Variants in EIF2S1 observed in about 807,000 individuals in gnomAD.
The protein encoded by EIF2S1 is eukaryotic translation initiation factor 2 subunit alpha.
Under a neutral mutation model 33.5 loss-of-function variants are expected in EIF2S1, and 5 were observed. The observed-to-expected ratio is 0.15, with a 90% confidence interval of 0.08 to 0.31. The LOEUF is 0.31. Among genes scored for constraint, EIF2S1 ranks in the 10% least tolerant of loss-of-function variants. EIF2S1 has a pLI of 1.00. For synonymous variants in EIF2S1, 99 were observed against 127.5 expected, an observed-to-expected ratio of 0.78 and a Z score of 1.51; for missense variants, 191 against 384.6, an observed-to-expected ratio of 0.50 and a Z score of 4.21.
rs1335792406 is a variant in EIF2S1 at position 67,384,180 on chromosome 14, C to G, written c.*740C>G. Reference sequence around the variant, plus strand: ...ACGTCCTTATTGGAATAATAAGCTACTTGCCTTGAGTTTATAATTCAGGGT... The same window carrying G: ...ACGTCCTTATTGGAATAATAAGCTAGTTGCCTTGAGTTTATAATTCAGGGT... On this transcript the variant is annotated 3_prime_UTR_variant, in exon 8 of 8. Coordinates refer to ENST00000256383, the MANE Select transcript of EIF2S1 (RefSeq NM_004094.5). 6.6e-6 allele frequency: 1 copy of G among 152,114 alleles called. No individual in the cohort carries two copies. The highest frequency in any genetic ancestry group is 1.5e-5 in the Non-Finnish European group (1 of 68,028). The allele number at this position is 152,114 out of a possible 1,614,324, so 9.4% of individuals were successfully genotyped here.
chr14:67,382,900 C>T (rs1048244705), intron 7 of EIF2S1, among the ~76,000 whole-genome samples: 2 of 140,414 alleles, frequency 1.4e-5, no homozygotes, highest in African/African-American at 5.7e-5. Context: ...TGTGTACGTG[C>T]GTGCGTGCGT....
At chr14:67,375,319 A>G (rs984930724) in intron 3 of EIF2S1, among the ~76,000 whole-genome samples, 3 of 148,462 alleles carry the variant, frequency 2.0e-5, no homozygotes, top group African/African-American at 7.5e-5. Context: ...GTAGTGGCGC[A>G]ATCTCAACTT....
intron 2 of EIF2S1, among the ~76,000 whole-genome samples, chr14:67,371,023 T>A (rs1452221218): frequency 6.6e-6 from 1 of 151,650 alleles, no homozygotes; most frequent in Admixed American, 6.6e-5. Context: ...AGACCCTGTC[T>A]CAAAAAAAAG....
intron 1 of EIF2S1, 50 bp from the exon 2 acceptor site, chr14:67,364,717 T>C: frequency 6.6e-7 from 1 of 1,518,768 alleles, no homozygotes; most frequent in African/African-American, 1.4e-5. Flanking sequence ...ATTTTTTTTT[T>C]ATTTTCACCT....
chr14:67,375,843 A>T (rs763469366), intron 3 of EIF2S1, among the ~76,000 whole-genome samples: 30 of 152,068 alleles, frequency 2.0e-4, no homozygotes, highest in Non-Finnish European at 3.4e-4. Flanking sequence ...AAAATTTCAT[A>T]TTTTTTTGTC....
Position 67,365,013 on chromosome 14 carries a change from G to C in EIF2S1, c.241+5G>C, listed in dbSNP as rs769090870. ...TTAGGGTGGACAAAGAAAAAGGTAA[G>C]TGAGAAAAATATCTGTAATATAAAT... On this transcript the variant is annotated splice_donor_5th_base_variant and intron_variant, in intron 2 of 7. Coordinates refer to ENST00000256383, the MANE Select transcript of EIF2S1 (RefSeq NM_004094.5). 5 of 1,576,276 alleles carry C rather than the reference G, an allele frequency of 3.2e-6. No individual in the cohort carries two copies. The highest frequency in any genetic ancestry group is 4.6e-5 in the East Asian group (2 of 43,556).
chr14:67,365,751 C>T (rs1261136031), intron 2 of EIF2S1, among the ~76,000 whole-genome samples: 1 of 152,230 alleles, frequency 6.6e-6, no homozygotes, highest in Non-Finnish European at 1.5e-5. Flanking sequence ...CGAAAGGCTT[C>T]ATATCAGTCA....
rs550543872 is a variant in EIF2S1, at chr14:67,376,463, G to T, written c.346G>T (p.Ala116Ser). ...KTVYSILRHV[A>S]EVLEYTKDEQ... Reference sequence around the variant, plus strand: ...GGTTTATAGCATTCTTCGTCATGTTGCTGAGGTGTTAGAATACACCAAGGA... The same window carrying T: ...GGTTTATAGCATTCTTCGTCATGTTTCTGAGGTGTTAGAATACACCAAGGA... Residue 116 changes from alanine to serine, a missense_variant, in exon 4 of 8, where the codon GCT becomes TCT. Transcript: ENST00000256383. 11 of 1,612,770 alleles carry T rather than the reference G, an allele frequency of 6.8e-6. No homozygotes were observed. In the South Asian group the frequency reaches 1.1e-4, roughly 16 times the overall value.
At chr14:67,375,754 TA>T (rs2085854482) in intron 3 of EIF2S1, among the ~76,000 whole-genome samples, 2 of 152,342 alleles carry the variant, frequency 1.3e-5, no homozygotes, top group African/African-American at 4.8e-5. Flanking sequence ...GTCTCTAAAC[TA>T]GCAGCATTGA....
intron 2 of EIF2S1, among the ~76,000 whole-genome samples, chr14:67,373,842 A>AGTGT (rs35163593): frequency 0.025 from 3,677 of 145,772 alleles, 92 homozygotes; most frequent in African/African-American, 0.062. Flanking sequence ...TAATTTGTTC[A>AGTGT]GTGTGTGTGT....
intron 2 of EIF2S1, among the ~76,000 whole-genome samples, chr14:67,368,545 T>C (rs1420625700): frequency 1.3e-5 from 2 of 152,152 alleles, no homozygotes; most frequent in Non-Finnish European, 2.9e-5. Flanking sequence ...GGATGCCAAG[T>C]AGTTAAATAT....
At chr14:67,360,510 T>A in intron 1 of EIF2S1, 54 bp downstream of exon 1, 1 of 308,662 alleles carries the variant, frequency 3.2e-6, no homozygotes. Flanking sequence ...TTGTGTCCAG[T>A]GACATGGGTG....
intron 2 of EIF2S1, among the ~76,000 whole-genome samples, chr14:67,369,397 CA>C (rs1224444150): frequency 6.6e-6 from 1 of 152,194 alleles, no homozygotes. Flanking sequence ...GAGAAATAGA[CA>C]AATCTATAAT....
intron 2 of EIF2S1, among the ~76,000 whole-genome samples, chr14:67,370,121 C>T (rs1292962411): frequency 1.3e-5 from 2 of 152,278 alleles, no homozygotes; most frequent in Non-Finnish European, 2.9e-5. Context: ...ACACAGATCA[C>T]TCATGCTTTT....
At chr14:67,366,575 G>A (rs528275991) in intron 2 of EIF2S1, among the ~76,000 whole-genome samples, 8 of 152,320 alleles carry the variant, frequency 5.3e-5, no homozygotes, top group East Asian at 1.9e-4. Context: ...GTACAAATGC[G>A]TGCAATGCAA....
At chr14:67,366,934 T>G (rs1205556994) in intron 2 of EIF2S1, among the ~76,000 whole-genome samples, 1 of 152,124 alleles carries the variant, frequency 6.6e-6, no homozygotes, top group Non-Finnish European at 1.5e-5. Flanking sequence ...AGAAAATTTA[T>G]GGTCTTATTG....
intron 1 of EIF2S1, among the ~76,000 whole-genome samples, chr14:67,361,428 T>A (rs1187280246): frequency 2.0e-5 from 3 of 152,200 alleles, no homozygotes; most frequent in Admixed American, 2.0e-4. Context: ...ATAACTTTCT[T>A]TTTCAACTAT....
chr14:67,376,319 A>G, intron 3 of EIF2S1, 120 bp from the exon 4 acceptor site: 3 of 989,580 alleles, frequency 3.0e-6, no homozygotes, highest in South Asian at 1.8e-5. Flanking sequence ...GTATTTCCCT[A>G]TGGAGATCTT....
chr14:67,379,650 TTTTC>T (rs2085875424), intron 4 of EIF2S1, among the ~76,000 whole-genome samples: 2 of 138,418 alleles, frequency 1.4e-5, no homozygotes, highest in African/African-American at 6.1e-5. Context: ...CTTTTTTTCT[TTTTC>T]TTTTTTTTTT....
Sources: allele counts gnomAD v4.1 joint callset (sites outside exome capture counted in the v4.1 genomes callset), GRCh38; gene constraint gnomAD v4.1.1; transcripts MANE v1.5; gene names NCBI Gene and HGNC (gene_info 2026-07-23, HGNC 2026-07-21).